WNT3: variants seen among roughly 807,000 people sequenced by gnomAD.
WNT3 encodes proto-oncogene Wnt-3.
In WNT3, 7 loss-of-function variants were observed where a neutral mutation model predicts 34.2. The ratio of observed to expected loss-of-function variants is 0.20; its 90% CI spans 0.12 to 0.38. The LOEUF (loss-of-function observed/expected upper bound fraction) is 0.38. WNT3 is among the 10% of genes least tolerant of loss of function. WNT3 has a pLI of 1.00. For synonymous variants in WNT3, 212 were observed against 211.5 expected, an observed-to-expected ratio of 1.00 and a Z score of -0.02; for missense variants, 267 against 499.8, an observed-to-expected ratio of 0.53 and a Z score of 4.44.
chr17:46,790,738 A>T (rs775270527), intron 1 of WNT3, among the ~76,000 whole-genome samples: 8 of 152,010 alleles, frequency 5.3e-5, no homozygotes, highest in Non-Finnish European at 1.0e-4. Flanking sequence ...CAGAAGCAAA[A>T]CTTCCCTGAT....
intron 1 of WNT3, among the ~76,000 whole-genome samples, chr17:46,807,408 G>C (rs1041175938): frequency 3.9e-5 from 6 of 152,190 alleles, no homozygotes; most frequent in African/African-American, 1.4e-4. Flanking sequence ...CTTGAACCCG[G>C]GAGGCGGAGG....
chr17:46,765,380 G>C (rs1490343616), intron 4 of WNT3, among the ~76,000 whole-genome samples: 1 of 152,230 alleles, frequency 6.6e-6, no homozygotes, highest in African/African-American at 2.4e-5. Flanking sequence ...GAATAAATCT[G>C]GCACTTGTAA....
chr17:46,781,598 G>C (rs1487497479), intron 1 of WNT3, among the ~76,000 whole-genome samples: 3 of 152,144 alleles, frequency 2.0e-5, no homozygotes, highest in African/African-American at 7.2e-5. Context: ...TGGAAGGGAG[G>C]GAGTGGGAAG....
At chr17:46,802,399 G>A (rs915701642) in intron 1 of WNT3, among the ~76,000 whole-genome samples, 2 of 152,140 alleles carry the variant, frequency 1.3e-5, no homozygotes, top group Non-Finnish European at 2.9e-5. Flanking sequence ...CCCAGTAACT[G>A]GGATTACAGG....
intron 1 of WNT3, among the ~76,000 whole-genome samples, chr17:46,793,272 TAAAAAAAAAAAA>T (rs71138551): frequency 2.6e-4 from 11 of 41,968 alleles, no homozygotes; most frequent in South Asian, 2.1e-3. Flanking sequence ...AGACCCTGTC[TAAAAAAAAAAAA>T]AAAAAAAAAA....
intron 1 of WNT3, among the ~76,000 whole-genome samples, chr17:46,779,404 G>A (rs1177895689): frequency 6.6e-6 from 1 of 152,054 alleles, no homozygotes; most frequent in Non-Finnish European, 1.5e-5. Flanking sequence ...CTGGGCCAGG[G>A]GCTATTTATA....
At chr17:46,770,687 G>A (rs938384850) in intron 2 of WNT3, among the ~76,000 whole-genome samples, 1 of 152,170 alleles carries the variant, frequency 6.6e-6, no homozygotes, top group South Asian at 2.1e-4. Context: ...CTGCCCTCAC[G>A]CCCAGGCACG....
intron 1 of WNT3, among the ~76,000 whole-genome samples, chr17:46,785,247 A>G (rs199501): frequency 0.64 from 97,120 of 152,020 alleles, 33,525 homozygotes; most frequent in South Asian, 0.84. Context: ...TTCTGGGTCT[A>G]TCCCTCACGT....
At chr17:46,811,150 C>G (rs930130975) in intron 1 of WNT3, among the ~76,000 whole-genome samples, 3 of 100,966 alleles carry the variant, frequency 3.0e-5, no homozygotes, top group African/African-American at 9.0e-5. Flanking sequence ...CTGGCTTCAG[C>G]AACTCTACCC....
chr17:46,771,405 G>A (rs1255204195), intron 2 of WNT3, among the ~76,000 whole-genome samples: 1 of 151,420 alleles, frequency 6.6e-6, no homozygotes, highest in Non-Finnish European at 1.5e-5. Context: ...CAGGGCGGGC[G>A]CCCCTCGTTT....
At chr17:46,778,549 C>T (rs1020331676) in intron 1 of WNT3, among the ~76,000 whole-genome samples, 2 of 152,180 alleles carry the variant, frequency 1.3e-5, no homozygotes, top group Non-Finnish European at 1.5e-5. Context: ...GCCTCCTGCC[C>T]GCACACTGCT....
At chr17:46,800,590 C>T (rs2084112246) in intron 1 of WNT3, among the ~76,000 whole-genome samples, 1 of 152,198 alleles carries the variant, frequency 6.6e-6, no homozygotes. Context: ...ACAACAAGTA[C>T]CAGCTGGTCT....
At chr17:46,810,004 C>CTTTTTTTTTTTT (rs11292601) in intron 1 of WNT3, among the ~76,000 whole-genome samples, 1 of 126,390 alleles carries the variant, frequency 7.9e-6, no homozygotes, top group African/African-American at 3.0e-5. Flanking sequence ...TTCTTTCTTT[C>CTTTTTTTTTTTT]TTTTTTTTTT....
rs1568072814 is a variant in WNT3, at chr17:46,768,446, G to A, written c.942C>T (p.Cys314=). The change falls in exon 4 of 5, where the codon TGC becomes TGT. Residue 314 remains cysteine (C), a synonymous_variant. Transcript: ENST00000225512. This position sits in a 1 kb window ranked among gnomAD's most constrained non-coding sequence, Gnocchi z 5.0. The part of the protein sequence containing the change: ...SHGIDGCDLL[C]CGRGHNTRTE... ...TCCTCGTGTTGTGGCCCCGGCCACA[G>A]CAGAGCAGATCGCAGCCATCGATGC... 2 of 1,614,144 alleles carry A rather than the reference G, an allele frequency of 1.2e-6. No individual in the cohort carries two copies. Among genetic ancestry groups the A allele is most frequent in the South Asian group, 1.1e-5 (1 of 91,082 alleles).
intron 1 of WNT3, among the ~76,000 whole-genome samples, chr17:46,784,589 G>A (rs1448877392): frequency 6.6e-6 from 1 of 152,114 alleles, no homozygotes; most frequent in Non-Finnish European, 1.5e-5. Context: ...CCTCACACTA[G>A]GAGGCTGGAA....
chr17:46,786,284 G>A (rs978363962), intron 1 of WNT3, among the ~76,000 whole-genome samples: 1 of 152,092 alleles, frequency 6.6e-6, no homozygotes, highest in Non-Finnish European at 1.5e-5. Context: ...GGAGAAGCGG[G>A]GGATGGAGGG....
chr17:46,764,913 G>T (rs1317523984), intron 4 of WNT3, among the ~76,000 whole-genome samples: 2 of 152,346 alleles, frequency 1.3e-5, no homozygotes, highest in African/African-American at 4.8e-5. Flanking sequence ...CCAGGAGCAG[G>T]TCACTCAGGA....
intron 1 of WNT3, among the ~76,000 whole-genome samples, chr17:46,776,380 G>C (rs2059412088): frequency 6.6e-6 from 1 of 152,222 alleles, no homozygotes; most frequent in African/African-American, 2.4e-5. Flanking sequence ...AATCCCTGTG[G>C]TTTATTATGG....
chr17:46,784,463 C>T lies in WNT3; in HGVS notation c.81-10554G>A, dbSNP rs540404271. Reference sequence around the variant, plus strand: ...AGGCCCCATCTTGGCTGTGGGCACACGGTGGGAGGACACTGAGCGTCACGG... The same window carrying T: ...AGGCCCCATCTTGGCTGTGGGCACATGGTGGGAGGACACTGAGCGTCACGG... On this transcript the variant is annotated intron_variant, in intron 1 of 4. Transcript: ENST00000225512. Among the ~76,000 whole-genome samples the T allele has an allele frequency of 9.3e-5, 14 of 151,120 alleles. No individual in the cohort carries two copies. In the South Asian group the frequency reaches 2.9e-3, roughly 32 times the overall value.
Sources: allele counts gnomAD v4.1 joint callset (sites outside exome capture counted in the v4.1 genomes callset), GRCh38; gene constraint gnomAD v4.1.1; non-coding constraint Gnocchi (gnomAD v3.1); transcripts MANE v1.5; gene names NCBI Gene and HGNC (gene_info 2026-07-23, HGNC 2026-07-21).